Variants in YTHDF2 observed in about 807,000 individuals in gnomAD.
The protein encoded by YTHDF2 is YTH domain-containing family protein 2.
Under a neutral mutation model 50.4 loss-of-function variants are expected in YTHDF2, and 2 were observed. The ratio of observed to expected loss-of-function variants is 0.04; its 90% CI spans 0.02 to 0.12. The LOEUF (loss-of-function observed/expected upper bound fraction) is 0.12. Among genes scored for constraint, YTHDF2 ranks in the 10% least tolerant of loss-of-function variants. The pLI is 1.00. For missense variants in YTHDF2, 483 were observed against 722.6 expected (o/e 0.67, Z 3.80); for synonymous variants, 217 against 255.6 (o/e 0.85, Z 1.44).
chr1:28,743,749 T>A lies in YTHDF2; in HGVS notation c.1479T>A (p.Gly493=), dbSNP rs752024350. 6.2e-7 allele frequency: 1 copy of A among 1,613,062 alleles called. No individual in the cohort carries two copies. Among genetic ancestry groups the A allele is most frequent in the African/African-American group, 1.3e-5 (1 of 74,804 alleles). Residue 493 remains glycine (G), a synonymous_variant, in exon 4 of 5, where the codon GGT becomes GGA. Transcript: ENST00000373812. The surrounding 1 kb of genome is among the most constrained non-coding windows in gnomAD (Gnocchi z 6.9). Reference sequence around the variant, plus strand: ...TGTGGTCCCAGGACAAATGGAAGGGTCGTTTTGATGTCAGGTGGATTTTTG... The same window carrying A: ...TGTGGTCCCAGGACAAATGGAAGGGACGTTTTGATGTCAGGTGGATTTTTG... ...AGVWSQDKWK[G]RFDVRWIFVK... is the part of the protein sequence containing the mutation.
At chr1:28,738,487 C>A in intron 3 of YTHDF2, 149 bp downstream of exon 3, 1 of 749,558 alleles carries the variant, frequency 1.3e-6, no homozygotes, top group South Asian at 1.9e-5. Context: ...CTCTGACGCC[C>A]AGGCTGGGGT....
chr1:28,760,010 CA>C (rs748848148), intron 4 of YTHDF2, among the ~76,000 whole-genome samples: 11 of 150,344 alleles, frequency 7.3e-5, no homozygotes, highest in Non-Finnish European at 3.0e-5. Context: ...AAAACTATGG[CA>C]AACACATTAG....
In YTHDF2 at chr1:28,743,269, A is replaced by T. The variant is rs200257032; in HGVS notation, c.999A>T (p.Pro333=). Residue 333 remains proline (P), a synonymous_variant, in exon 4 of 5, where the codon CCA becomes CCT. Transcript: ENST00000373812. This position sits in a 1 kb window ranked among gnomAD's most constrained non-coding sequence, Gnocchi z 6.9. ...GQQTQPLPPP[P]PQPAQLSVQQ... ...AGACACAGCCATTGCCTCCACCTCC[A>T]CCACAGCCTGCCCAGCTTTCAGTCC... The T allele has an allele frequency of 1.4e-3, 2,200 of 1,613,996 alleles. 5 individuals are homozygous for T. Among genetic ancestry groups the T allele is most frequent in the Admixed American group, 2.3e-3 (139 of 59,986 alleles).
chr1:28,755,020 T>C (rs939389119), intron 4 of YTHDF2, among the ~76,000 whole-genome samples: 2 of 150,472 alleles, frequency 1.3e-5, no homozygotes, highest in Non-Finnish European at 2.9e-5. Context: ...AACGAGATGC[T>C]TTTACAGTAT....
chr1:28,747,885 G>T (rs2087889340), intron 4 of YTHDF2, among the ~76,000 whole-genome samples: 1 of 151,466 alleles, frequency 6.6e-6, no homozygotes, highest in Non-Finnish European at 1.5e-5. Flanking sequence ...CAGCACTTTG[G>T]GAGGCTGAGG....
chr1:28,745,342 A>C (rs1003089796), intron 4 of YTHDF2, among the ~76,000 whole-genome samples: 9 of 152,234 alleles, frequency 5.9e-5, no homozygotes, highest in African/African-American at 2.2e-4. Flanking sequence ...AGCATTGGGA[A>C]TGGAGAACCA....
rs1266095665 is a variant in YTHDF2 at position 28,743,386 on chromosome 1, A to C, written c.1116A>C (p.Gly372=). The change falls in exon 4 of 5, where the codon GGA becomes GGC. Residue 372 remains glycine, a synonymous_variant. Transcript: ENST00000373812. The surrounding 1 kb of genome is among the most constrained non-coding windows in gnomAD (Gnocchi z 6.9). ...GHNGVDGNGV[G]QSQAGSGSTP... ...ATGGGGTGGATGGTAATGGAGTAGG[A>C]CAGTCTCAGGCTGGTTCTGGATCTA... is the stretch of plus-strand genomic sequence containing the variant. 6.2e-7 allele frequency: 1 copy of C among 1,614,152 alleles called. No individual in the cohort carries two copies. The highest frequency in any genetic ancestry group is 1.1e-5 in the South Asian group (1 of 91,082).
intron 4 of YTHDF2, among the ~76,000 whole-genome samples, chr1:28,762,130 C>T (rs2088145072): frequency 6.6e-6 from 1 of 152,132 alleles, no homozygotes; most frequent in Non-Finnish European, 1.5e-5. Context: ...TGGTGGCTCA[C>T]GCTTGTAATC....
intron 4 of YTHDF2, among the ~76,000 whole-genome samples, chr1:28,746,372 A>G (rs2087860612): frequency 6.6e-6 from 1 of 152,170 alleles, no homozygotes; most frequent in South Asian, 2.1e-4. Flanking sequence ...TGTTAGGGCC[A>G]GTGGGGAAAT....
intron 4 of YTHDF2, among the ~76,000 whole-genome samples, chr1:28,752,448 A>C (rs962763072): frequency 2.0e-5 from 3 of 152,000 alleles, no homozygotes; most frequent in Non-Finnish European, 2.9e-5. Flanking sequence ...GGTGCTTGCC[A>C]CCACTCCCGG....
chr1:28,764,415 C>T (rs1236149826), intron 4 of YTHDF2, among the ~76,000 whole-genome samples: 2 of 151,918 alleles, frequency 1.3e-5, no homozygotes, highest in Non-Finnish European at 2.9e-5. Flanking sequence ...GGATTACAGG[C>T]GCCCACCACC....
intron 4 of YTHDF2, among the ~76,000 whole-genome samples, chr1:28,746,674 T>G (rs1253392331): frequency 6.7e-6 from 1 of 150,340 alleles, no homozygotes; most frequent in Non-Finnish European, 1.5e-5. Flanking sequence ...GCAGGATAAT[T>G]TCTTGGACCC....
intron 4 of YTHDF2, among the ~76,000 whole-genome samples, chr1:28,753,591 A>AGAAT (rs1490437365): frequency 6.6e-6 from 1 of 151,924 alleles, no homozygotes; most frequent in Non-Finnish European, 1.5e-5. Context: ...CATAGTCTTG[A>AGAAT]GAATGCTTAT....
Position 28,743,916 on chromosome 1 carries a change from A to G in YTHDF2, c.1646A>G (p.His549Arg). 6.3e-7 allele frequency: 1 copy of G among 1,595,904 alleles called. No individual in the cohort carries two copies. The highest frequency in any genetic ancestry group is 1.1e-5 in the South Asian group (1 of 88,340). ...TTGAAAATTATAGCCAGCTACAAGC[A>G]CACCACTTCCATTTTTGATGACTTC... ...QVLKIIASYK[H>R]TTSIFDDFSH... Residue 549 changes from histidine (H) to arginine (R), a missense_variant, in exon 4 of 5, where the codon CAC becomes CGC. This residue lies in a region of YTHDF2 where 38 missense variants were observed against 60.1 expected (regional missense o/e 0.63). Transcript: ENST00000373812. The surrounding 1 kb of genome is among the most constrained non-coding windows in gnomAD (Gnocchi z 6.9).
rs1307741347 is a variant in YTHDF2, at chr1:28,769,084, A to T, written c.*132A>T. 11 of 637,376 alleles carry T rather than the reference A, an allele frequency of 1.7e-5. No homozygotes were observed. The highest frequency in any genetic ancestry group is 2.7e-5 in the Non-Finnish European group (11 of 411,040). 39.5% of individuals were successfully genotyped at this position (637,376 alleles called of 1,614,324 possible). ...GAGACGATTGCAGACTTGCAGTTTA[A>T]GTATTGGAATTTCACAAAAGACATA... On this transcript the variant is annotated 3_prime_UTR_variant, in exon 5 of 5. Transcript: ENST00000373812.
In YTHDF2 at chr1:28,742,675, A is replaced by T. The variant is rs1442754985; in HGVS notation, c.405A>T (p.Gly135=). The part of the protein sequence containing the change: ...FPSGIDFSAW[G]NNSSQGQSTQ... ...GTGGGATTGACTTCTCAGCATGGGG[A>T]AATAACAGTTCTCAGGGACAGTCTA... Residue 135 remains glycine, a synonymous_variant, in exon 4 of 5, where the codon GGA becomes GGT. Transcript: ENST00000373812. The T allele has an allele frequency of 1.2e-6, 2 of 1,614,042 alleles. No individual in the cohort carries two copies. Among genetic ancestry groups the T allele is most frequent in the Admixed American group, 1.7e-5 (1 of 59,986 alleles).
intron 4 of YTHDF2, among the ~76,000 whole-genome samples, chr1:28,751,460 T>G (rs531796213): frequency 7.1e-4 from 108 of 152,302 alleles, no homozygotes; most frequent in African/African-American, 2.5e-3. Flanking sequence ...GAGCATTTTT[T>G]GTAAAATCCT....
intron 4 of YTHDF2, among the ~76,000 whole-genome samples, chr1:28,756,956 A>T (rs1438092797): frequency 6.6e-6 from 1 of 152,246 alleles, no homozygotes; most frequent in Non-Finnish European, 1.5e-5. Flanking sequence ...GTAAGTCTGC[A>T]CAATGAGCAA....
intron 4 of YTHDF2, among the ~76,000 whole-genome samples, chr1:28,748,870 G>T (rs2087905137): frequency 6.6e-6 from 1 of 151,972 alleles, no homozygotes; most frequent in African/African-American, 2.4e-5. Context: ...CCTAATTGTT[G>T]AATATGTCAA....
Sources: gnomAD v4.1 joint callset for allele counts (sites outside exome capture counted in the v4.1 genomes callset) on GRCh38, gnomAD v4.1.1 for gene constraint, gnomAD v4.1.1 regional missense constraint, Gnocchi (gnomAD v3.1) non-coding constraint, MANE v1.5 for transcripts, NCBI Gene and HGNC (gene_info 2026-07-23, HGNC 2026-07-21) for gene names.